The following APOBEC4 variants were observed in gnomAD, a reference collection of about 807,000 sequenced individuals.
APOBEC4 encodes the protein putative deaminase APOBEC-4.
For missense variants in APOBEC4, 375 were observed against 441.2 expected, an observed-to-expected ratio of 0.85 and a Z score of 1.34; for synonymous variants, 141 against 154.2, an observed-to-expected ratio of 0.91 and a Z score of 0.63.
At chr1:183,652,916 C>A (rs934415052) in intron 1 of APOBEC4, among the ~76,000 whole-genome samples, 156 bp downstream of exon 1, 1 of 152,194 alleles carries the variant, frequency 6.6e-6, no homozygotes, top group Non-Finnish European at 1.5e-5. Context: ...TGAACCACAC[C>A]ATAAGGACAA....
intron 1 of APOBEC4, among the ~76,000 whole-genome samples, chr1:183,649,109 G>C (rs75901258): frequency 0.013 from 1,989 of 152,298 alleles, 51 homozygotes; most frequent in African/African-American, 0.046. Flanking sequence ...ATTTGGGCTT[G>C]GCCAATTATC....
chr1:183,652,220 A>G (rs1650813403), intron 1 of APOBEC4, among the ~76,000 whole-genome samples: 1 of 152,216 alleles, frequency 6.6e-6, no homozygotes, highest in African/African-American at 2.4e-5. Flanking sequence ...AGGTAGCAAA[A>G]TGGAAACTCC....
rs752674092 is a variant in APOBEC4 at position 183,648,382 on chromosome 1, A to G, written c.400T>C (p.Cys134Arg). 6 of 1,614,144 alleles carry G rather than the reference A, an allele frequency of 3.7e-6. No homozygotes were observed. Among genetic ancestry groups the G allele is most frequent in the Admixed American group, 1.7e-5 (1 of 60,012 alleles). ...NSPCNEANHCCISKMYNFLIT... is the reference protein window; with the variant it reads ...NSPCNEANHCRISKMYNFLIT... ...AGGAAATTATACATTTTGCTGATGC[A>G]GCAGTGGTTAGCTTCATTACAAGGG... The change falls in exon 2 of 2, where the codon TGC becomes CGC. Residue 134 changes from cysteine to arginine, a missense_variant. Coordinates refer to ENST00000308641, the MANE Select transcript of APOBEC4 (RefSeq NM_203454.3).
Position 183,647,639 on chromosome 1 carries a change from T to A in APOBEC4, c.*39A>T, listed in dbSNP as rs745666735. 30 of 1,539,220 alleles carry A rather than the reference T, an allele frequency of 1.9e-5. No individual in the cohort carries two copies. The highest frequency in any genetic ancestry group is 2.4e-5 in the Non-Finnish European group (28 of 1,144,500). ...AGATTTTTATTGCCTATCTAATAAG[T>A]CCCTTGGTAATTGGTTTCATGCTGT... is the stretch of plus-strand genomic sequence containing the variant. On this transcript the variant is annotated 3_prime_UTR_variant, in exon 2 of 2. Coordinates refer to ENST00000308641, the MANE Select transcript of APOBEC4 (RefSeq NM_203454.3).
chr1:183,650,409 G>A (rs1650644445), intron 1 of APOBEC4, among the ~76,000 whole-genome samples: 1 of 152,162 alleles, frequency 6.6e-6, no homozygotes, highest in East Asian at 1.9e-4. Context: ...CAGGTGTGGT[G>A]GCATGCGCCT....
rs565445708 is a variant in APOBEC4 at position 183,652,441 on chromosome 1, A to T, written c.-31+631T>A. On this transcript the variant is annotated intron_variant, in intron 1 of 1. Coordinates refer to ENST00000308641, the MANE Select transcript of APOBEC4 (RefSeq NM_203454.3). ...ATTGGTGAAGTTTTCACTTTTTCAG[A>T]GTCTTTCTGGGCTTGTTCTTTGATC... Among the ~76,000 whole-genome samples the T allele has an allele frequency of 4.6e-5, 7 of 152,224 alleles. No homozygotes were observed. The South Asian group carries it at 1.2e-3, about 27-fold the overall frequency.
rs1233943322 is a variant in APOBEC4, at chr1:183,647,900, C to T, written c.882G>A (p.Val294=). ...PPDLRAPVVF[V]LVPLRDLPPM... is the part of the protein sequence containing the mutation. ...GTGGTAAGTCCCTGAGAGGCACTAG[C>T]ACAAAAACAACAGGAGCCCTGAGGT... is the stretch of plus-strand genomic sequence containing the variant. The change falls in exon 2 of 2, where the codon GTG becomes GTA. Residue 294 remains valine (V), a synonymous_variant. Transcript: ENST00000308641. 6.2e-7 allele frequency: 1 copy of T among 1,614,132 alleles called. No individual in the cohort carries two copies. Among genetic ancestry groups the T allele is most frequent in the Non-Finnish European group, 8.5e-7 (1 of 1,180,038 alleles).
At position 183,647,978 on chromosome 1, in the gene APOBEC4, A is replaced by G; in HGVS notation, c.804T>C (p.Pro268=). The G allele has an allele frequency of 3.1e-6, 5 of 1,614,234 alleles. No individual in the cohort carries two copies. Among genetic ancestry groups the G allele is most frequent in the African/African-American group, 2.7e-5 (2 of 75,062 alleles). ...LESYPLNNAF[P]GQFFQMPSGQ... ...CACTCGGCATTTGAAAAAACTGTCC[A>G]GGAAAGGCATTGTTTAAGGGGTAGC... Residue 268 remains proline, a synonymous_variant, in exon 2 of 2, where the codon CCT becomes CCC. Transcript: ENST00000308641.
In APOBEC4 at chr1:183,648,528, C is replaced by G; in HGVS notation, c.254G>C (p.Ser85Thr). The change falls in exon 2 of 2, where the codon AGC (serine) becomes ACC (threonine). Residue 85 changes from serine to threonine, a missense_variant. By Grantham distance (58) the Ser-to-Thr change is moderately conservative (BLOSUM62 1). Coordinates refer to ENST00000308641, the MANE Select transcript of APOBEC4 (RefSeq NM_203454.3). ...SGSLVQKGHA[S>T]SCTGNYIHPE... The stretch of plus-strand genomic sequence containing the variant: ...ATGGATATAATTCCCAGTGCAACTG[C>G]TAGCATGGCCCTTTTGCACCAGGCT... 1.9e-6 allele frequency: 3 copies of G among 1,614,168 alleles called. No individual in the cohort carries two copies. Among genetic ancestry groups the G allele is most frequent in the Non-Finnish European group, 2.5e-6 (3 of 1,180,028 alleles).
rs1650372358 is a variant in APOBEC4 at position 183,647,482 on chromosome 1, T to C, written c.*196A>G. Reference sequence around the variant, plus strand: ...AAATAAAGGAGAGAGATCAAGTTGCTTATGGAAACATTTTGGATTATGTTT... The same window carrying C: ...AAATAAAGGAGAGAGATCAAGTTGCCTATGGAAACATTTTGGATTATGTTT... On this transcript the variant is annotated 3_prime_UTR_variant, in exon 2 of 2. Transcript: ENST00000308641. The C allele has an allele frequency of 1.2e-6, 1 of 829,662 alleles. No individual in the cohort carries two copies. Among genetic ancestry groups the C allele is most frequent in the South Asian group, 3.8e-5 (1 of 26,632 alleles). The allele number at this position is 829,662 out of a possible 1,614,324, so 51.4% of individuals were successfully genotyped here.
At position 183,646,814 on chromosome 1, in the gene APOBEC4, G is replaced by A. The variant is rs146397371; in HGVS notation, c.*864C>T. On this transcript the variant is annotated 3_prime_UTR_variant, in exon 2 of 2. Transcript: ENST00000308641. ...TTACAATCATTGGTGAAGTTATTGA[G>A]ATGTCATTTCAGCCTTGCTACTCAC... 36 of 152,344 alleles carry A rather than the reference G, an allele frequency of 2.4e-4. No individual in the cohort carries two copies. Among genetic ancestry groups the A allele is most frequent in the African/African-American group, 8.4e-4 (35 of 41,580 alleles). The allele number at this position is 152,344 out of a possible 1,614,324, so 9.4% of individuals were successfully genotyped here. A position where few individuals can be genotyped will look rare whatever the true frequency, so the allele number is the denominator to read the frequency against.
chr1:183,650,160 G>T (rs1400564324), intron 1 of APOBEC4, among the ~76,000 whole-genome samples: 1 of 152,002 alleles, frequency 6.6e-6, no homozygotes, highest in Non-Finnish European at 1.5e-5. Context: ...TTTGCTATAT[G>T]TGTATGTTAC....
chr1:183,648,419 A>G lies in APOBEC4; in HGVS notation c.363T>C (p.Tyr121=). 6.2e-7 allele frequency: 1 copy of G among 1,614,230 alleles called. No individual in the cohort carries two copies. The change falls in exon 2 of 2, where the codon TAT becomes TAC. Residue 121 remains tyrosine, a synonymous_variant. Transcript: ENST00000308641. Reference sequence around the variant, plus strand: ...CTTCATTACAAGGGGAGTTGTTGGAATACAGAATGATATGCCTGATGCTGT... The same window carrying G: ...CTTCATTACAAGGGGAGTTGTTGGAGTACAGAATGATATGCCTGATGCTGT... ...NNDSIRHIIL[Y]SNNSPCNEAN...
chr1:183,650,388 A>G (rs1266578955), intron 1 of APOBEC4, among the ~76,000 whole-genome samples: 1 of 152,026 alleles, frequency 6.6e-6, no homozygotes, highest in Non-Finnish European at 1.5e-5. Flanking sequence ...CTAAAAATGT[A>G]AAAAATTAGC....
In APOBEC4 at chr1:183,648,023, T is replaced by C; in HGVS notation, c.759A>G (p.Lys253=). 6.2e-7 allele frequency: 1 copy of C among 1,614,188 alleles called. No individual in the cohort carries two copies. The highest frequency in any genetic ancestry group is 1.3e-5 in the African/African-American group (1 of 75,058). Reference sequence around the variant, plus strand: ...GGTAGCTCTCTAAAGCCTCCTGAGCTTTTGTGTTTGGATTCCTTTTTGTCT... The same window carrying C: ...GGTAGCTCTCTAAAGCCTCCTGAGCCTTTGTGTTTGGATTCCTTTTTGTCT... ...LLQTKRNPNT[K]AQEALESYPL... Residue 253 remains lysine (K), a synonymous_variant, in exon 2 of 2, where the codon AAA becomes AAG. Transcript: ENST00000308641.
rs1037271488 is a variant in APOBEC4, at chr1:183,653,293, G to A, written c.-252C>T. The A allele has an allele frequency of 6.6e-6, 1 of 152,246 alleles. No individual in the cohort carries two copies. The highest frequency in any genetic ancestry group is 2.4e-5 in the African/African-American group (1 of 41,454). The allele number at this position is 152,246 out of a possible 1,614,324, so 9.4% of individuals were successfully genotyped here. A position where few individuals can be genotyped will look rare whatever the true frequency, so the allele number is the denominator to read the frequency against. On this transcript the variant is annotated 5_prime_UTR_variant, in exon 1 of 2. Transcript: ENST00000308641. ...CAAGTTAGAAAGCCCTTGCTGAGGT[G>A]TGGCTACCTCTAAGAACACTGTTGA...
chr1:183,648,490 G>T lies in APOBEC4; in HGVS notation c.292C>A (p.Leu98Ile), dbSNP rs753098454. The T allele has an allele frequency of 2.5e-6, 4 of 1,614,192 alleles. No individual in the cohort carries two copies. Among genetic ancestry groups the T allele is most frequent in the Non-Finnish European group, 3.4e-6 (4 of 1,180,042 alleles). ...TGNYIHPESM[L>I]FEMNGYLDSA... ...TCAAGATAACCATTCATTTCAAAGA[G>T]CATTGATTCTGGATGGATATAATTC... The change falls in exon 2 of 2, where the codon CTC becomes ATC. Residue 98 changes from leucine (L) to isoleucine (I), a missense_variant. By Grantham distance (5) the Leu-to-Ile change is conservative. Coordinates refer to ENST00000308641, the MANE Select transcript of APOBEC4 (RefSeq NM_203454.3).
Position 183,648,163 on chromosome 1 carries a change from C to A in APOBEC4, c.619G>T (p.Gly207Ter), listed in dbSNP as rs143188677. The A allele has an allele frequency of 6.2e-7, 1 of 1,614,068 alleles. No individual in the cohort carries two copies. Among genetic ancestry groups the A allele is most frequent in the Non-Finnish European group, 8.5e-7 (1 of 1,180,036 alleles). ...AAAATGGGCTGAAAAACATGTGATC[C>A]TGAGACACCACTTATAAAGCTGTGG... ...VLHSFISGVS[G>*]SHVFQPILTG... The change falls in exon 2 of 2, where the codon GGA (glycine) becomes TGA (stop). Residue 207 changes from glycine to a stop codon, truncating the protein, a stop_gained. Transcript: ENST00000308641. LOFTEE classifies it low-confidence loss of function (END_TRUNC).
Position 183,648,473 on chromosome 1 carries a change from AC to A in APOBEC4, c.308del (p.Gly103ValfsTer40). ...HPESMLFEMN[G>X]YLDSAIYNND... Reference sequence around the variant, plus strand: ...TATTGTATATGGCTGAGTCAAGATAACCATTCATTTCAAAGAGCATTGATTC... The same window carrying A: ...TATTGTATATGGCTGAGTCAAGATAACATTCATTTCAAAGAGCATTGATTC... On this transcript the variant is annotated frameshift_variant, in exon 2 of 2. Coordinates refer to ENST00000308641, the MANE Select transcript of APOBEC4 (RefSeq NM_203454.3). LOFTEE classifies it low-confidence loss of function (END_TRUNC). The A allele has an allele frequency of 6.2e-7, 1 of 1,614,214 alleles. No homozygotes were observed. Among genetic ancestry groups the A allele is most frequent in the East Asian group, 2.2e-5 (1 of 44,888 alleles).
Sources: gnomAD v4.1 joint callset for allele counts (sites outside exome capture counted in the v4.1 genomes callset) on GRCh38, gnomAD v4.1.1 for gene constraint, MANE v1.5 for transcripts, NCBI Gene and HGNC (gene_info 2026-07-23, HGNC 2026-07-21) for gene names.